Variants in ANGPT4 observed in about 807,000 individuals in gnomAD.
The protein encoded by ANGPT4 is angiopoietin-4.
In ANGPT4, 50 loss-of-function variants were observed where a neutral mutation model predicts 53.0. The ratio of observed to expected loss-of-function variants is 0.94; its 90% CI spans 0.75 to 1.20. The LOEUF is 1.20. ANGPT4 is among the 50% of genes most tolerant of loss of function. ANGPT4 has a pLI of 0.00. For synonymous variants in ANGPT4, 251 were observed against 259.7 expected, an observed-to-expected ratio of 0.97 and a Z score of 0.32; for missense variants, 648 against 637.1, an observed-to-expected ratio of 1.02 and a Z score of -0.18.
chr20:900,365 C>A lies in ANGPT4; in HGVS notation c.310-9997G>T, dbSNP rs188852706. On this transcript the variant is annotated intron_variant, in intron 1 of 8. Transcript: ENST00000381922. ...CATTACAACCTCTGACGGCTGCCAC[C>A]CTAGCTGGATCCCTAGGAGTCTGGG... Among the ~76,000 whole-genome samples the A allele has an allele frequency of 5.3e-5, 8 of 152,286 alleles. No individual in the cohort carries two copies. In the East Asian group the frequency reaches 1.5e-3, roughly 29 times the overall value.
At chr20:893,746 A>G (rs1981936063) in intron 1 of ANGPT4, among the ~76,000 whole-genome samples, 1 of 152,076 alleles carries the variant, frequency 6.6e-6, no homozygotes, top group Non-Finnish European at 1.5e-5. Flanking sequence ...AATCTTTCCC[A>G]TCTCAGGAAA....
intron 4 of ANGPT4, among the ~76,000 whole-genome samples, chr20:882,628 A>G (rs6133546): frequency 0.098 from 14,903 of 152,128 alleles, 1,145 homozygotes; most frequent in East Asian, 0.45. Context: ...AGCTCCCCAC[A>G]GGGAATTGGA....
rs138675528 is a variant in ANGPT4, at chr20:890,218, C to A, written c.460G>T (p.Ala154Ser). 1 of 1,613,170 alleles carries A rather than the reference C, an allele frequency of 6.2e-7. No individual in the cohort carries two copies. The highest frequency in any genetic ancestry group is 1.3e-5 in the African/African-American group (1 of 74,918). The change falls in exon 2 of 9, where the codon GCT (alanine) becomes TCT (serine). Residue 154 changes from alanine (A) to serine (S), a missense_variant. Ala to Ser is a moderately conservative substitution (Grantham distance 99). Coordinates refer to ENST00000381922, the MANE Select transcript of ANGPT4 (RefSeq NM_015985.4). ...AQIRKLTDME[A>S]QLLNQTSRMD... is the part of the protein sequence containing the mutation. The stretch of plus-strand genomic sequence containing the variant: ...ACTCAGTCACCCTCTGTTACCTGAG[C>A]CTCCATGTCGGTCAGCTTGCGGATC...
intron 1 of ANGPT4, among the ~76,000 whole-genome samples, chr20:901,028 C>T (rs1341081150): frequency 6.6e-6 from 1 of 152,152 alleles, no homozygotes; most frequent in Non-Finnish European, 1.5e-5. Flanking sequence ...AATCTTTCTT[C>T]AGTTTACTCT....
In ANGPT4 at chr20:872,764, A is replaced by C. The variant is rs185432839; in HGVS notation, c.*196T>G. ...TACATCAGAGGGATGGGCCCCGAAC[A>C]CCCTCCATGTCACAGACGGAGGGGA... On this transcript the variant is annotated 3_prime_UTR_variant, in exon 9 of 9. Coordinates refer to ENST00000381922, the MANE Select transcript of ANGPT4 (RefSeq NM_015985.4). 867 of 636,924 alleles carry C rather than the reference A, an allele frequency of 1.4e-3. 3 individuals carry two copies. Among genetic ancestry groups the C allele is most frequent in the Non-Finnish European group, 1.9e-3 (723 of 370,920 alleles). The allele number at this position is 636,924 out of a possible 1,614,324, so 39.5% of individuals were successfully genotyped here.
intron 3 of ANGPT4, among the ~76,000 whole-genome samples, chr20:886,255 G>A (rs920947877): frequency 3.3e-5 from 5 of 152,182 alleles, no homozygotes; most frequent in South Asian, 2.1e-4. Flanking sequence ...GTTACTCATC[G>A]TATCACTGGT....
chr20:885,379 C>G, intron 3 of ANGPT4, 54 bp from the exon 4 acceptor site: 4 of 1,460,872 alleles, frequency 2.7e-6, no homozygotes, highest in Non-Finnish European at 3.6e-6. Flanking sequence ...GAAGCACGCA[C>G]CCCCGCGCGC....
chr20:898,421 G>A (rs1340861634), intron 1 of ANGPT4, among the ~76,000 whole-genome samples: 1 of 152,302 alleles, frequency 6.6e-6, no homozygotes, highest in East Asian at 1.9e-4. Context: ...AGATCAGTTA[G>A]CATTTAGGCT....
Position 881,236 on chromosome 20 carries a change from G to T in ANGPT4, c.886C>A (p.Arg296Ser). Residue 296 changes from arginine (R) to serine (S), a missense_variant, in exon 5 of 9, where the codon CGC becomes AGC. By Grantham distance (110) the Arg-to-Ser change is moderately radical. Coordinates refer to ENST00000381922, the MANE Select transcript of ANGPT4 (RefSeq NM_015985.4). ...QVFQDCAEIQ[R>S]SGASASGVYT... is the part of the protein sequence containing the mutation. The stretch of plus-strand genomic sequence containing the variant: ...ACACCACTGGCACTGGCCCCAGAGC[G>T]CTGGATCTCTGCACAGTCCTGGAAC... The T allele has an allele frequency of 1.9e-6, 3 of 1,613,826 alleles. No homozygotes were observed. Among genetic ancestry groups the T allele is most frequent in the Non-Finnish European group, 2.5e-6 (3 of 1,179,844 alleles).
intron 1 of ANGPT4, among the ~76,000 whole-genome samples, chr20:898,168 A>C (rs1982129518): frequency 6.6e-6 from 1 of 150,734 alleles, no homozygotes; most frequent in African/African-American, 2.5e-5. Flanking sequence ...GACTCATCTG[A>C]CCTCTCCCCT....
At chr20:878,824 C>G (rs7272569) in intron 6 of ANGPT4, among the ~76,000 whole-genome samples, 5 of 152,098 alleles carry the variant, frequency 3.3e-5, no homozygotes, top group African/African-American at 1.2e-4. Flanking sequence ...GTAGAGCAAA[C>G]TTTGTTCAGT....
chr20:874,968 C>T (rs1439487298), intron 7 of ANGPT4, among the ~76,000 whole-genome samples: 3 of 152,176 alleles, frequency 2.0e-5, no homozygotes, highest in African/African-American at 7.2e-5. Context: ...AGTCTGCCTG[C>T]CTTGGCCTCC....
At chr20:896,018 T>C (rs1452495022) in intron 1 of ANGPT4, among the ~76,000 whole-genome samples, 1 of 152,204 alleles carries the variant, frequency 6.6e-6, no homozygotes, top group Non-Finnish European at 1.5e-5. Context: ...TGGAACTATA[T>C]GTGAAAAGGG....
intron 2 of ANGPT4, among the ~76,000 whole-genome samples, chr20:888,811 G>C (rs548150720): frequency 1.3e-5 from 2 of 152,262 alleles, no homozygotes; most frequent in South Asian, 4.1e-4. Context: ...CTCATTGCTT[G>C]CAATCTATTC....
At chr20:909,080 G>A (rs951095943) in intron 1 of ANGPT4, among the ~76,000 whole-genome samples, 15 of 152,214 alleles carry the variant, frequency 9.9e-5, no homozygotes, top group East Asian at 5.8e-4. Flanking sequence ...CAGTCTGCCC[G>A]GGTACGAACT....
chr20:876,257 T>C (rs925481941), intron 7 of ANGPT4, among the ~76,000 whole-genome samples: 1 of 151,614 alleles, frequency 6.6e-6, no homozygotes, highest in African/African-American at 2.4e-5. Flanking sequence ...GCCTGAGAAA[T>C]TCCCCAGTGG....
At chr20:895,678 C>G (rs1361328181) in intron 1 of ANGPT4, among the ~76,000 whole-genome samples, 1 of 152,132 alleles carries the variant, frequency 6.6e-6, no homozygotes, top group African/African-American at 2.4e-5. Context: ...AAATGGACAT[C>G]AATTGGTGAA....
chr20:900,979 C>T (rs113219378), intron 1 of ANGPT4, among the ~76,000 whole-genome samples: 5,665 of 152,202 alleles, frequency 0.037, 313 homozygotes, highest in African/African-American at 0.12. Flanking sequence ...ACGACAAATG[C>T]TCCTTCTAAC....
rs150640448 is a variant in ANGPT4 at position 872,596 on chromosome 20, G to A, written c.*364C>T. ...AACCTGGGCCATCTGGGCAGCTTCC[G>A]ATGTGCAAATACATTCCCACCTGCC... is the stretch of plus-strand genomic sequence containing the variant. On this transcript the variant is annotated 3_prime_UTR_variant, in exon 9 of 9. Transcript: ENST00000381922. 34 of 186,106 alleles carry A rather than the reference G, an allele frequency of 1.8e-4. No homozygotes were observed. Among genetic ancestry groups the A allele is most frequent in the African/African-American group, 7.0e-4 (30 of 42,696 alleles). The allele number at this position is 186,106 out of a possible 1,614,324, so 11.5% of individuals were successfully genotyped here. A position where few individuals can be genotyped will look rare whatever the true frequency, so the allele number is the denominator to read the frequency against.
Sources: gnomAD v4.1 joint callset for allele counts (sites outside exome capture counted in the v4.1 genomes callset) on GRCh38, gnomAD v4.1.1 for gene constraint, MANE v1.5 for transcripts, NCBI Gene and HGNC (gene_info 2026-07-23, HGNC 2026-07-21) for gene names.